The following CNTFR variants were observed in gnomAD, a reference collection of about 807,000 sequenced individuals.
The protein encoded by CNTFR is ciliary neurotrophic factor receptor.
CNTFR carries 12 observed loss-of-function variants against 40.4 expected under a neutral mutation model. That is an observed-to-expected ratio of 0.30 (90% confidence interval 0.19 to 0.48). The LOEUF is 0.48. Among genes scored for constraint, CNTFR ranks in the 20% least tolerant of loss-of-function variants. CNTFR has a pLI of 0.99. For synonymous variants in CNTFR, 202 were observed against 209.6 expected (o/e 0.96, Z 0.31); for missense variants, 414 against 506.8 (o/e 0.82, Z 1.76).
chr9:34,577,313 G>C (rs1018542533), intron 2 of CNTFR, among the ~76,000 whole-genome samples: 1 of 152,206 alleles, frequency 6.6e-6, no homozygotes, highest in African/African-American at 2.4e-5. Flanking sequence ...GTGACTCCAC[G>C]GAAGACAGGC....
Position 34,552,942 on chromosome 9 carries a change from G to T in CNTFR, c.769-88C>A. The T allele has an allele frequency of 7.6e-7, 1 of 1,320,348 alleles. No individual in the cohort carries two copies. Among genetic ancestry groups the T allele is most frequent in the Non-Finnish European group, 1.1e-6 (1 of 948,316 alleles). 81.8% of individuals were successfully genotyped at this position (1,320,348 alleles called of 1,614,324 possible). ...CCAGAGGAAGTGAGCATGCCTCTGA[G>T]GAGAGGAGAGTAAAGGGCTCTGGGG... is the stretch of plus-strand genomic sequence containing the variant. On this transcript the variant is annotated intron_variant, in intron 7 of 9. Coordinates refer to ENST00000378980, the MANE Select transcript of CNTFR (RefSeq NM_147164.3). This position sits in a 1 kb window ranked among gnomAD's most constrained non-coding sequence, Gnocchi z 5.1.
At chr9:34,578,783 C>T (rs546509805) in intron 2 of CNTFR, among the ~76,000 whole-genome samples, 1 of 152,368 alleles carries the variant, frequency 6.6e-6, no homozygotes, top group Admixed American at 6.5e-5. Context: ...CAACTCTATT[C>T]CCCAAGTTAC....
At chr9:34,574,291 C>T (rs1826845110) in intron 2 of CNTFR, among the ~76,000 whole-genome samples, 2 of 152,168 alleles carry the variant, frequency 1.3e-5, no homozygotes. Flanking sequence ...TATGGTGTTT[C>T]TCCCTCCTGT....
chr9:34,557,321 T>C lies in CNTFR; in HGVS notation c.604+205A>G, dbSNP rs1304529141. On this transcript the variant is annotated intron_variant, in intron 6 of 9. Transcript: ENST00000378980. The surrounding 1 kb of genome is among the most constrained non-coding windows in gnomAD (Gnocchi z 4.2). ...GCTGCTGGACAGGTCTCTCGGCCCT[T>C]CAGGTAAAGGACATTCACTTACACG... 2.0e-5 allele frequency among the ~76,000 whole-genome samples: 3 copies of C among 152,110 alleles called. No homozygotes were observed. The highest frequency in any genetic ancestry group is 4.4e-5 in the Non-Finnish European group (3 of 68,004).
At chr9:34,574,042 G>A (rs1463611716) in intron 2 of CNTFR, among the ~76,000 whole-genome samples, 3 of 152,160 alleles carry the variant, frequency 2.0e-5, no homozygotes, top group Admixed American at 2.0e-4. Flanking sequence ...AGGGGCTGAG[G>A]CTGGGAGGCC....
chr9:34,563,317 G>C (rs547281130), intron 4 of CNTFR, among the ~76,000 whole-genome samples: 2 of 152,304 alleles, frequency 1.3e-5, no homozygotes, highest in South Asian at 4.1e-4. Context: ...GGGAATCAAA[G>C]AGCCTCCCTC....
intron 4 of CNTFR, among the ~76,000 whole-genome samples, chr9:34,562,071 T>C (rs1826098512): frequency 6.6e-6 from 1 of 152,140 alleles, no homozygotes; most frequent in African/African-American, 2.4e-5. Context: ...TCAAAGAAGA[T>C]CACATCATCA....
At chr9:34,586,379 TCTC>T (rs1827546819) in intron 1 of CNTFR, among the ~76,000 whole-genome samples, 3 of 152,066 alleles carry the variant, frequency 2.0e-5, no homozygotes, top group South Asian at 4.1e-4. Flanking sequence ...TGGGATCCCG[TCTC>T]CTCCTCCAGC....
chr9:34,571,665 C>T (rs72735294), intron 2 of CNTFR, among the ~76,000 whole-genome samples: 3,601 of 152,136 alleles, frequency 0.024, 62 homozygotes, highest in Admixed American at 0.032. Flanking sequence ...CTGTAAGGGC[C>T]GGGCCCTGGG....
At chr9:34,590,550 C>A (rs112979297), upstream of CNTFR, among the ~76,000 whole-genome samples, 590 of 152,374 alleles carry the variant, frequency 3.9e-3, 1 homozygote, top group Middle Eastern at 6.8e-3. Context: ...GCCGGGAGCC[C>A]AGGCCCATGC....
chr9:34,557,758 A>C lies in CNTFR; in HGVS notation c.438-66T>G. 6.2e-7 allele frequency: 1 copy of C among 1,601,558 alleles called. No individual in the cohort carries two copies. Among genetic ancestry groups the C allele is most frequent in the South Asian group, 1.1e-5 (1 of 90,308 alleles). ...GGGTCAGGTGGGGCAGAGGTTGAGG[A>C]AAGGTCAAGCCCAAGGCAGGGCTGG... On this transcript the variant is annotated intron_variant, in intron 5 of 9. Coordinates refer to ENST00000378980, the MANE Select transcript of CNTFR (RefSeq NM_147164.3). This position sits in a 1 kb window ranked among gnomAD's most constrained non-coding sequence, Gnocchi z 4.2.
intron 3 of CNTFR, among the ~76,000 whole-genome samples, chr9:34,565,237 G>T (rs1382303186): frequency 1.3e-5 from 2 of 152,084 alleles, no homozygotes; most frequent in South Asian, 2.1e-4. Flanking sequence ...CACAGGCCCA[G>T]CCCAGTTACT....
intron 7 of CNTFR, among the ~76,000 whole-genome samples, chr9:34,554,226 A>G (rs2132117384): frequency 6.6e-6 from 1 of 152,248 alleles, no homozygotes; most frequent in Admixed American, 6.5e-5. Flanking sequence ...TCTGCTCGGC[A>G]AAGATACCCT....
At chr9:34,587,426 T>G (rs1827592218) in intron 1 of CNTFR, among the ~76,000 whole-genome samples, 1 of 152,106 alleles carries the variant, frequency 6.6e-6, no homozygotes, top group Non-Finnish European at 1.5e-5. Flanking sequence ...TGAATCTGAG[T>G]GAGTCACAGG....
At chr9:34,587,536 T>G (rs1827595464) in intron 1 of CNTFR, among the ~76,000 whole-genome samples, 1 of 152,022 alleles carries the variant, frequency 6.6e-6, no homozygotes, top group Admixed American at 6.6e-5. Context: ...TGAATCTAAG[T>G]GTGAACCCAA....
intron 4 of CNTFR, among the ~76,000 whole-genome samples, chr9:34,558,781 C>G (rs1375590876): frequency 6.6e-6 from 1 of 152,136 alleles, no homozygotes; most frequent in Non-Finnish European, 1.5e-5. Context: ...AAGCAGCTGC[C>G]CTCACTCTGG....
chr9:34,553,834 A>G lies in CNTFR; in HGVS notation c.769-980T>C, dbSNP rs912435662. 5.3e-5 allele frequency among the ~76,000 whole-genome samples: 8 copies of G among 152,266 alleles called. No individual in the cohort carries two copies. The South Asian group carries it at 6.2e-4, about 12-fold the overall frequency. Reference sequence around the variant, plus strand: ...TGCCTCATTAAGCCGCCTCGTAAACAGGGGCAGCCGGCAGGGGCGGAGGAG... The same window carrying G: ...TGCCTCATTAAGCCGCCTCGTAAACGGGGGCAGCCGGCAGGGGCGGAGGAG... On this transcript the variant is annotated intron_variant, in intron 7 of 9. Transcript: ENST00000378980.
At chr9:34,577,814 G>A (rs951885935) in intron 2 of CNTFR, among the ~76,000 whole-genome samples, 2 of 150,940 alleles carry the variant, frequency 1.3e-5, no homozygotes, top group African/African-American at 4.9e-5. Context: ...GAGGCAGGGG[G>A]GCTGGGGGGA....
At chr9:34,564,022 C>T (rs1472554481) in intron 4 of CNTFR, among the ~76,000 whole-genome samples, 2 of 152,216 alleles carry the variant, frequency 1.3e-5, no homozygotes, top group Non-Finnish European at 2.9e-5. Flanking sequence ...CATGCCCTCC[C>T]AGCCGCTGAG....
Sources: allele counts gnomAD v4.1 joint callset (sites outside exome capture counted in the v4.1 genomes callset), GRCh38; gene constraint gnomAD v4.1.1; non-coding constraint Gnocchi (gnomAD v3.1); transcripts MANE v1.5; gene names NCBI Gene and HGNC (gene_info 2026-07-23, HGNC 2026-07-21).